The following POLR3B variants were observed in gnomAD, a reference collection of about 807,000 sequenced individuals.
POLR3B encodes RNA polymerase III subunit B.
Under a neutral mutation model 147.4 loss-of-function variants are expected in POLR3B, and 96 were observed. The observed-to-expected ratio is 0.65, with a 90% CI of 0.55 to 0.77. POLR3B has a LOEUF of 0.77. Among genes scored for constraint, POLR3B ranks in the 30% least tolerant of loss-of-function variants. The probability of loss-of-function intolerance (pLI) is 0.00; values close to 1 mark genes in which losing one functional copy is unlikely to be tolerated. For missense variants in POLR3B, 1,036 were observed against 1,413.5 expected, an observed-to-expected ratio of 0.73 and a Z score of 4.28; for synonymous variants, 461 against 485.9, an observed-to-expected ratio of 0.95 and a Z score of 0.67.
At chr12:106,423,862 T>A (rs2037402302) in intron 12 of POLR3B, among the ~76,000 whole-genome samples, 1 of 151,960 alleles carries the variant, frequency 6.6e-6, no homozygotes. Flanking sequence ...GTGTCTTTTT[T>A]TTTTTTTCCT....
At chr12:106,428,878 A>G (rs912578908) in intron 13 of POLR3B, among the ~76,000 whole-genome samples, 2 of 152,320 alleles carry the variant, frequency 1.3e-5, no homozygotes, top group African/African-American at 4.8e-5. Context: ...CAGTGAGCCA[A>G]CTGTAATTTG....
At chr12:106,440,193 C>T (rs1430448093) in intron 18 of POLR3B, among the ~76,000 whole-genome samples, 1 of 152,176 alleles carries the variant, frequency 6.6e-6, no homozygotes, top group Non-Finnish European at 1.5e-5. Context: ...CCCTTTTTCT[C>T]TATATTGACA....
chr12:106,468,794 G>T (rs2137042465), intron 23 of POLR3B, among the ~76,000 whole-genome samples: 1 of 152,304 alleles, frequency 6.6e-6, no homozygotes, highest in East Asian at 1.9e-4. Flanking sequence ...TGATTGTGCT[G>T]TGGTCTGAGA....
intron 23 of POLR3B, among the ~76,000 whole-genome samples, chr12:106,466,801 A>G (rs2038012030): frequency 6.6e-6 from 1 of 152,066 alleles, no homozygotes; most frequent in Non-Finnish European, 1.5e-5. Flanking sequence ...GTTCTGTTCC[A>G]TTGGTCTATA....
At chr12:106,508,203 C>T (rs1252664844) in intron 27 of POLR3B, among the ~76,000 whole-genome samples, 1 of 152,190 alleles carries the variant, frequency 6.6e-6, no homozygotes, top group African/African-American at 2.4e-5. Flanking sequence ...TCCCAGTGGA[C>T]ATTTGCATAT....
intron 9 of POLR3B, among the ~76,000 whole-genome samples, chr12:106,384,535 T>C (rs1047211500): frequency 4.6e-5 from 7 of 152,184 alleles, no homozygotes; most frequent in African/African-American, 1.7e-4. Context: ...CCAGCTGAGA[T>C]TGAACAAGGC....
At chr12:106,503,932 A>G (rs1461258055) in intron 26 of POLR3B, 149 bp from the exon 27 acceptor site, 1 of 718,778 alleles carries the variant, frequency 1.4e-6, no homozygotes, top group Non-Finnish European at 2.5e-6. Context: ...AATGAGGCTA[A>G]GCAGCGTGTC....
chr12:106,418,955 A>G (rs2037340046), intron 12 of POLR3B, among the ~76,000 whole-genome samples: 1 of 152,218 alleles, frequency 6.6e-6, no homozygotes, highest in Non-Finnish European at 1.5e-5. Flanking sequence ...TCAAGGGGCT[A>G]CAATAAATTC....
At chr12:106,380,633 C>T (rs949944917) in intron 9 of POLR3B, among the ~76,000 whole-genome samples, 3 of 152,028 alleles carry the variant, frequency 2.0e-5, no homozygotes, top group African/African-American at 7.3e-5. Context: ...CCTATAGTTT[C>T]AGCTATTTGG....
At chr12:106,410,439 G>A in intron 11 of POLR3B, 1 of 240,876 alleles carries the variant, frequency 4.2e-6, no homozygotes, top group South Asian at 5.5e-5. Flanking sequence ...AAAGGAAGAG[G>A]AAACTGCCAG....
intron 16 of POLR3B, among the ~76,000 whole-genome samples, chr12:106,435,048 G>A (rs762031140): frequency 1.1e-4 from 16 of 152,134 alleles, no homozygotes; most frequent in Non-Finnish European, 2.1e-4. Context: ...TCATTTTCTG[G>A]ATTCTTGGAA....
chr12:106,367,898 G>A (rs1336839702), intron 4 of POLR3B, among the ~76,000 whole-genome samples: 1 of 152,050 alleles, frequency 6.6e-6, no homozygotes, highest in African/African-American at 2.4e-5. Flanking sequence ...AGTTATTATT[G>A]TGGGCTTATC....
At chr12:106,455,288 T>G (rs1168168417) in intron 20 of POLR3B, among the ~76,000 whole-genome samples, 5 of 152,280 alleles carry the variant, frequency 3.3e-5, no homozygotes, top group Middle Eastern at 3.4e-3. Context: ...TGATCTGAAG[T>G]CTGACTTCTC....
intron 23 of POLR3B, among the ~76,000 whole-genome samples, chr12:106,489,364 A>T (rs951549048): frequency 1.3e-5 from 2 of 152,204 alleles, no homozygotes; most frequent in Non-Finnish European, 2.9e-5. Context: ...GTTGATAAGG[A>T]TTATGCGTAT....
chr12:106,429,682 G>A (rs1489659802), intron 13 of POLR3B, among the ~76,000 whole-genome samples: 1 of 152,088 alleles, frequency 6.6e-6, no homozygotes, highest in African/African-American at 2.4e-5. Flanking sequence ...TGGCCACAGA[G>A]AATATATGTT....
chr12:106,440,016 A>G (rs890658176), intron 18 of POLR3B, among the ~76,000 whole-genome samples: 1 of 152,192 alleles, frequency 6.6e-6, no homozygotes, highest in Non-Finnish European at 1.5e-5. Flanking sequence ...TACTTGGAAC[A>G]CCACTGCATT....
At chr12:106,446,271 C>A in intron 19 of POLR3B, 1 of 455,994 alleles carries the variant, frequency 2.2e-6, no homozygotes, top group Non-Finnish European at 4.4e-6. Flanking sequence ...GAAGACTAAT[C>A]ACTTCATCGC....
chr12:106,395,055 C>G (rs1404397678), intron 10 of POLR3B, among the ~76,000 whole-genome samples: 1 of 152,086 alleles, frequency 6.6e-6, no homozygotes, highest in Non-Finnish European at 1.5e-5. Flanking sequence ...CATGATAAGA[C>G]CCCATCTCTA....
chr12:106,402,789 A>G (rs2037087340), intron 10 of POLR3B, among the ~76,000 whole-genome samples: 2 of 152,164 alleles, frequency 1.3e-5, no homozygotes, highest in South Asian at 2.1e-4. Flanking sequence ...CCTTCCTTAC[A>G]CCTTATACAA....
Sources: allele counts gnomAD v4.1 joint callset (sites outside exome capture counted in the v4.1 genomes callset), GRCh38; gene constraint gnomAD v4.1.1; transcripts MANE v1.5; gene names NCBI Gene and HGNC (gene_info 2026-07-23, HGNC 2026-07-21).